TESK2: variants seen among roughly 807,000 people sequenced by gnomAD.
TESK2 encodes dual specificity testis-specific protein kinase 2.
In TESK2, 39 loss-of-function variants were observed where a neutral mutation model predicts 57.1. That is an observed-to-expected ratio of 0.68 (90% CI 0.53 to 0.89). The LOEUF (loss-of-function observed/expected upper bound fraction) is 0.89, where lower values mean the gene tolerates loss of function less well. Ranked by LOEUF, TESK2 falls within the 40% of genes least tolerant of loss-of-function variation. The probability of loss-of-function intolerance (pLI) is 0.00; values close to 1 mark genes in which losing one functional copy is unlikely to be tolerated. For missense variants in TESK2, 646 were observed against 732.1 expected (o/e 0.88, Z 1.36); for synonymous variants, 249 against 267.9 (o/e 0.93, Z 0.69).
intron 1 of TESK2, among the ~76,000 whole-genome samples, chr1:45,485,231 C>T (rs1174878872): frequency 2.1e-5 from 3 of 145,320 alleles, no homozygotes; most frequent in Non-Finnish European, 4.5e-5. Flanking sequence ...CTCTGTCGCC[C>T]ACGCTGGAGT....
At chr1:45,486,782 T>TACTCACACACACACAC (rs1653493376) in intron 1 of TESK2, among the ~76,000 whole-genome samples, 3 of 115,868 alleles carry the variant, frequency 2.6e-5, no homozygotes, top group Non-Finnish European at 4.9e-5. Flanking sequence ...CCTCCCAGCA[T>TACTCACACACACACAC]ACACACACAC....
Position 45,491,095 on chromosome 1 carries a change from G to A in TESK2, c.-330C>T, listed in dbSNP as rs1653701185. ...TCCCCCCGCCTGTTTGGCGGGGCCA[G>A]GAGGACGATCCGACCAGCGAAGCCA... is the stretch of plus-strand genomic sequence containing the variant. On this transcript the variant is annotated 5_prime_UTR_variant, in exon 1 of 11. Transcript: ENST00000372086. The A allele has an allele frequency of 6.6e-6, 1 of 152,254 alleles. No homozygotes were observed. Among genetic ancestry groups the A allele is most frequent in the African/African-American group, 2.4e-5 (1 of 41,464 alleles). 9.4% of individuals were successfully genotyped at this position (152,254 alleles called of 1,614,324 possible).
At chr1:45,446,138 T>C (rs1419017775) in intron 2 of TESK2, among the ~76,000 whole-genome samples, 2 of 150,894 alleles carry the variant, frequency 1.3e-5, no homozygotes, top group Non-Finnish European at 2.9e-5. Flanking sequence ...CCACTTAAGC[T>C]GTTTCAAAGC....
chr1:45,398,994 A>AC lies in TESK2; in HGVS notation c.345-13035_345-13034insG, dbSNP rs779875707. Reference sequence around the variant, plus strand: ...TTGGACTAGGACCTGAAAAAAAAAAAAAAAAAAAAAAAACAAGCCTTTAAG... The same window carrying AC: ...TTGGACTAGGACCTGAAAAAAAAAAACAAAAAAAAAAAAACAAGCCTTTAAG... On this transcript the variant is annotated intron_variant, in intron 3 of 10. Coordinates refer to ENST00000372086, the MANE Select transcript of TESK2 (RefSeq NM_007170.3). The AC allele has an allele frequency of 1.6e-4, 69 of 433,688 alleles. 1 individual carries two copies. The highest frequency in any genetic ancestry group is 8.9e-4 in the African/African-American group (43 of 48,082). The allele number at this position is 433,688 out of a possible 1,614,324, so 26.9% of individuals were successfully genotyped here.
intron 2 of TESK2, among the ~76,000 whole-genome samples, chr1:45,449,332 T>C (rs1156466089): frequency 6.6e-6 from 1 of 152,000 alleles, no homozygotes; most frequent in Non-Finnish European, 1.5e-5. Context: ...AGTCCACCAA[T>C]TGCACTCTGT....
intron 2 of TESK2, among the ~76,000 whole-genome samples, chr1:45,441,305 G>C (rs1651434964): frequency 6.6e-6 from 1 of 151,898 alleles, no homozygotes; most frequent in South Asian, 2.1e-4. Flanking sequence ...TGAGTAGCTG[G>C]GATTACAGGT....
chr1:45,344,970 TG>T lies in TESK2; in HGVS notation c.1585del (p.Gln529ArgfsTer16). 6.2e-7 allele frequency: 1 copy of T among 1,614,240 alleles called. No individual in the cohort carries two copies. Among genetic ancestry groups the T allele is most frequent in the Non-Finnish European group, 8.5e-7 (1 of 1,180,036 alleles). ...QEENGFGSRPQGTSPCPAGAS... is the reference protein window; with the variant it reads ...QEENGFGSRPXGTSPCPAGAS... ...ACCCGCAGGGCATGGACTGGTCCCC[TG>T]GGGCCTGGACCCAAAACCATTTTCT... On this transcript the variant is annotated frameshift_variant, in exon 11 of 11. Coordinates refer to ENST00000372086, the MANE Select transcript of TESK2 (RefSeq NM_007170.3). LOFTEE classifies it high-confidence loss of function.
intron 4 of TESK2, among the ~76,000 whole-genome samples, chr1:45,366,579 T>A (rs1215970581): frequency 1.3e-5 from 2 of 152,186 alleles, no homozygotes; most frequent in African/African-American, 4.8e-5. Flanking sequence ...TTTCTACTAT[T>A]GTTCATCACA....
In TESK2 at chr1:45,421,732, T is replaced by C; in HGVS notation, c.337A>G (p.Ile113Val). The change falls in exon 3 of 11, where the codon ATC becomes GTC. Residue 113 changes from isoleucine (I) to valine (V), a missense_variant. Ile to Val is a conservative substitution (Grantham distance 29, BLOSUM62 3). Coordinates refer to ENST00000372086, the MANE Select transcript of TESK2 (RefSeq NM_007170.3). ...GGAAGGAAAAGCCATTACCTAAGGA[T>C]GTTGGGATGGGAGAGTCTATTCATG... ...QLMNRLSHPNILRFMGVCVHQ... is the reference protein window; with the variant it reads ...QLMNRLSHPNVLRFMGVCVHQ... 1 of 1,614,052 alleles carries C rather than the reference T, an allele frequency of 6.2e-7. No individual in the cohort carries two copies. The highest frequency in any genetic ancestry group is 1.3e-5 in the African/African-American group (1 of 75,034).
intron 2 of TESK2, among the ~76,000 whole-genome samples, chr1:45,437,326 G>A (rs1651274875): frequency 6.6e-6 from 1 of 151,986 alleles, no homozygotes; most frequent in Admixed American, 6.6e-5. Context: ...TAGCTGTACT[G>A]TAATTGGGAT....
At chr1:45,397,071 G>C (rs775653529) in intron 3 of TESK2, among the ~76,000 whole-genome samples, 1 of 151,860 alleles carries the variant, frequency 6.6e-6, no homozygotes, top group Non-Finnish European at 1.5e-5. Flanking sequence ...CGCCATCCTC[G>C]GCCTCCTGAA....
At chr1:45,390,648 T>C (rs1438314051) in intron 3 of TESK2, among the ~76,000 whole-genome samples, 1 of 151,492 alleles carries the variant, frequency 6.6e-6, no homozygotes, top group African/African-American at 2.4e-5. Context: ...TGATCACTGC[T>C]CATTGCAACC....
At chr1:45,374,832 T>C (rs1036077749) in intron 4 of TESK2, among the ~76,000 whole-genome samples, 2 of 152,196 alleles carry the variant, frequency 1.3e-5, no homozygotes, top group Non-Finnish European at 2.9e-5. Context: ...AGTCTTCCCA[T>C]CTCCATTAAT....
intron 2 of TESK2, among the ~76,000 whole-genome samples, chr1:45,434,095 G>A (rs1428999121): frequency 1.3e-5 from 2 of 151,926 alleles, no homozygotes; most frequent in Non-Finnish European, 2.9e-5. Context: ...CCTGGCTCTA[G>A]GGATCCTCCT....
At chr1:45,370,378 GTTAAT>G (rs778255740) in intron 4 of TESK2, among the ~76,000 whole-genome samples, 4 of 152,190 alleles carry the variant, frequency 2.6e-5, no homozygotes, top group Non-Finnish European at 4.4e-5. Flanking sequence ...GCCATTGATT[GTTAAT>G]TTATTTATTC....
intron 1 of TESK2, among the ~76,000 whole-genome samples, chr1:45,479,967 C>T (rs1041340725): frequency 6.6e-5 from 10 of 151,166 alleles, no homozygotes; most frequent in Non-Finnish European, 1.5e-4. Flanking sequence ...GAACTACAGG[C>T]GCATGCCACC....
chr1:45,362,261 C>T (rs1403501100), intron 4 of TESK2, among the ~76,000 whole-genome samples: 3 of 152,170 alleles, frequency 2.0e-5, no homozygotes, highest in Non-Finnish European at 4.4e-5. Context: ...ACTGCCTAGG[C>T]TAAAGAGTAT....
chr1:45,415,468 G>C, intron 3 of TESK2: 1 of 582,782 alleles, frequency 1.7e-6, no homozygotes, highest in South Asian at 1.9e-5. Flanking sequence ...AGTTCCCTTT[G>C]GGTTCCATGT....
At chr1:45,406,104 C>T (rs1407651869) in intron 3 of TESK2, among the ~76,000 whole-genome samples, 1 of 151,960 alleles carries the variant, frequency 6.6e-6, no homozygotes, top group Admixed American at 6.6e-5. Flanking sequence ...TGGTGGTGCT[C>T]ACCTGTAGTC....
Sources: gnomAD v4.1 joint callset for allele counts (sites outside exome capture counted in the v4.1 genomes callset) on GRCh38, gnomAD v4.1.1 for gene constraint, MANE v1.5 for transcripts, NCBI Gene and HGNC (gene_info 2026-07-23, HGNC 2026-07-21) for gene names.